The following PDE11A variants were observed in gnomAD, a reference collection of about 807,000 sequenced individuals.
The protein encoded by PDE11A is dual 3',5'-cyclic-AMP and -GMP phosphodiesterase 11A.
PDE11A carries 100 observed loss-of-function variants against 100.5 expected under a neutral mutation model. That is an observed-to-expected ratio of 1.00 (90% CI 0.85 to 1.18). The LOEUF is 1.18. PDE11A is among the 50% of genes most tolerant of loss of function. PDE11A has a pLI of 0.00. For missense variants in PDE11A, 1,141 were observed against 1,152.6 expected (o/e 0.99, Z 0.15); for synonymous variants, 381 against 420.8 (o/e 0.91, Z 1.16).
intron 10 of PDE11A, among the ~76,000 whole-genome samples, chr2:177,765,847 A>G (rs1287915889): frequency 6.6e-6 from 1 of 152,232 alleles, no homozygotes; most frequent in Non-Finnish European, 1.5e-5. Flanking sequence ...TTAGTCTCTC[A>G]TGTAAATAAC....
chr2:177,854,226 C>G (rs1055085846), intron 5 of PDE11A, among the ~76,000 whole-genome samples: 1 of 151,840 alleles, frequency 6.6e-6, no homozygotes, highest in East Asian at 1.9e-4. Flanking sequence ...CTTTCATTCT[C>G]GTCTGTGACA....
At position 177,730,155 on chromosome 2, in the gene PDE11A, C is replaced by G. The variant is rs142237758; in HGVS notation, c.1789-1983G>C. On this transcript the variant is annotated intron_variant, in intron 10 of 19. Transcript: ENST00000286063. ...GGTTTGTTACACATGTATACATGTG[C>G]CACGTTGGTGTGTTGCACCCATTAA... Among the ~76,000 whole-genome samples the G allele has an allele frequency of 4.0e-3, 602 of 152,226 alleles. 6 individuals carry two copies. The highest frequency in any genetic ancestry group is 0.014 in the African/African-American group (561 of 41,538).
intron 10 of PDE11A, among the ~76,000 whole-genome samples, chr2:177,751,820 G>A (rs996984352): frequency 6.6e-6 from 1 of 152,138 alleles, no homozygotes; most frequent in African/African-American, 2.4e-5. Context: ...AATATTTATT[G>A]AGCATCTACA....
At chr2:177,702,423 C>A (rs4893985) in intron 13 of PDE11A, 116,270 of 151,994 alleles carry the variant, frequency 0.76, 44,546 homozygotes, top group East Asian at 0.84. Context: ...ACAGTGTAAA[C>A]GGCAGCCATG....
chr2:177,663,839 C>T, intron 19 of PDE11A, 27 bp downstream of exon 19: 1 of 1,256,282 alleles, frequency 8.0e-7, no homozygotes, highest in South Asian at 1.2e-5. Flanking sequence ...TCAGTCAGAA[C>T]ATGTAGGCCC....
chr2:177,926,857 T>C (rs990404748), intron 2 of PDE11A: 2 of 152,136 alleles, frequency 1.3e-5, no homozygotes, highest in African/African-American at 4.8e-5. Flanking sequence ...ATTCTGGTAA[T>C]TTTTTTACTC....
chr2:177,990,956 T>A (rs2085997079), intron 2 of PDE11A, among the ~76,000 whole-genome samples: 1 of 150,928 alleles, frequency 6.6e-6, no homozygotes, highest in African/African-American at 2.4e-5. Flanking sequence ...ATCATGCCAC[T>A]GCACTCCAGC....
At chr2:177,788,758 C>T (rs935828489) in intron 9 of PDE11A, among the ~76,000 whole-genome samples, 15 of 152,180 alleles carry the variant, frequency 9.9e-5, no homozygotes, top group African/African-American at 3.4e-4. Context: ...ATACTACAAA[C>T]AACTCTACTC....
At chr2:177,935,298 TCTC>T (rs2085258002) in intron 2 of PDE11A, among the ~76,000 whole-genome samples, 1 of 152,140 alleles carries the variant, frequency 6.6e-6, no homozygotes, top group Non-Finnish European at 1.5e-5. Flanking sequence ...TACCACCACT[TCTC>T]AGACTGCGAG....
chr2:177,661,384 C>T (rs1189960982), intron 19 of PDE11A, among the ~76,000 whole-genome samples: 1 of 152,160 alleles, frequency 6.6e-6, no homozygotes, highest in Non-Finnish European at 1.5e-5. Flanking sequence ...TGAATGGTGT[C>T]ACATCAGTGA....
At chr2:178,089,886 T>C (rs2087399866) in intron 2 of PDE11A, among the ~76,000 whole-genome samples, 1 of 152,186 alleles carries the variant, frequency 6.6e-6, no homozygotes, top group Admixed American at 6.5e-5. Context: ...CTGAAAAACC[T>C]AGGCCCTTTC....
At chr2:177,770,103 A>G (rs1170799621) in intron 9 of PDE11A, among the ~76,000 whole-genome samples, 1 of 152,134 alleles carries the variant, frequency 6.6e-6, no homozygotes, top group Non-Finnish European at 1.5e-5. Flanking sequence ...TTATATTGAT[A>G]TATATCTGTG....
Position 177,697,351 on chromosome 2 carries a change from C to T in PDE11A, c.2326G>A (p.Asp776Asn). Residue 776 changes from aspartate to asparagine, a missense_variant, in exon 15 of 20, where the codon GAC becomes AAC. Transcript: ENST00000286063. ...QLLKQSILAT[D>N]LTLYFERRTE... is the part of the protein sequence containing the mutation. ...ACCTACTCAAAGTACAGCGTGAGGT[C>T]TGTTGCCAATATTGACTGCTTCAAA... The T allele has an allele frequency of 6.4e-7, 1 of 1,571,530 alleles. No individual in the cohort carries two copies. Among genetic ancestry groups the T allele is most frequent in the Non-Finnish European group, 8.8e-7 (1 of 1,141,270 alleles).
chr2:177,973,170 A>G (rs1257952023), intron 2 of PDE11A, among the ~76,000 whole-genome samples: 6 of 147,750 alleles, frequency 4.1e-5, no homozygotes, highest in African/African-American at 1.5e-4. Context: ...TTTCCATCTG[A>G]GGTACCGGGT....
At chr2:177,804,392 C>T (rs533291213) in intron 9 of PDE11A, among the ~76,000 whole-genome samples, 6 of 152,006 alleles carry the variant, frequency 3.9e-5, no homozygotes, top group South Asian at 2.1e-4. Flanking sequence ...CCATTTTACA[C>T]CAGTTATAAT....
At chr2:177,871,431 G>T (rs1385726019) in intron 5 of PDE11A, among the ~76,000 whole-genome samples, 1 of 152,012 alleles carries the variant, frequency 6.6e-6, no homozygotes, top group Non-Finnish European at 1.5e-5. Context: ...TCCGGAGTGG[G>T]CAAGGAAGCC....
intron 19 of PDE11A, among the ~76,000 whole-genome samples, chr2:177,636,886 C>T (rs113635791): frequency 1.3e-5 from 2 of 152,302 alleles, no homozygotes; most frequent in East Asian, 1.9e-4. Context: ...AGCATTATCT[C>T]GTCTCCATCA....
intron 2 of PDE11A, chr2:177,998,195 A>G: frequency 1.2e-6 from 1 of 858,686 alleles, no homozygotes; most frequent in South Asian, 1.3e-5. Context: ...TCATGAATAG[A>G]ACAAATTCTT....
intron 2 of PDE11A, among the ~76,000 whole-genome samples, chr2:177,971,031 TACATTC>T (rs1393830287): frequency 1.3e-5 from 2 of 152,224 alleles, no homozygotes; most frequent in African/African-American, 4.8e-5. Context: ...TCTGGGGATA[TACATTC>T]ACACTTGAGT....
Sources: allele counts gnomAD v4.1 joint callset (sites outside exome capture counted in the v4.1 genomes callset), GRCh38; gene constraint gnomAD v4.1.1; transcripts MANE v1.5; gene names NCBI Gene and HGNC (gene_info 2026-07-23, HGNC 2026-07-21).